The following MYRFL variants were observed in gnomAD, a reference collection of about 807,000 sequenced individuals.
MYRFL encodes the protein myelin regulatory factor like, also known as myelin regulatory factor-like protein.
In MYRFL, 88 loss-of-function variants were observed where a neutral mutation model predicts 109.4. The ratio of observed to expected loss-of-function variants is 0.80; its 90% CI spans 0.68 to 0.96. The LOEUF is 0.96. Ranked by LOEUF, MYRFL falls within the 40% of genes least tolerant of loss-of-function variation. The pLI, the probability that MYRFL is intolerant of heterozygous loss-of-function variation, is 0.00. For synonymous variants in MYRFL, 324 were observed against 320.9 expected, an observed-to-expected ratio of 1.01 and a Z score of -0.10; for missense variants, 957 against 954.9, an observed-to-expected ratio of 1.00 and a Z score of -0.03.
rs1199092532 is a variant in MYRFL at position 69,903,737 on chromosome 12, A to G, written c.1276A>G (p.Ile426Val). ...ESIVCHGRVG[I>V]NTDAPDEALV... is the part of the protein sequence containing the mutation. The stretch of plus-strand genomic sequence containing the variant: ...TATTGTCTGTCACGGTCGAGTAGGA[A>G]TCAACACAGATGCGCCGGACGAAGC... Residue 426 changes from isoleucine to valine, a missense_variant, in exon 11 of 25, where the codon ATC (isoleucine) becomes GTC (valine). Ile to Val is a conservative substitution (Grantham distance 29, BLOSUM62 3). Coordinates refer to ENST00000552032, the MANE Select transcript of MYRFL (RefSeq NM_182530.3). 15 of 1,535,744 alleles carry G rather than the reference A, an allele frequency of 9.8e-6. No homozygotes were observed. The highest frequency in any genetic ancestry group is 1.2e-5 in the Non-Finnish European group (14 of 1,146,702).
chr12:69,872,804 A>T (rs952420411), intron 2 of MYRFL, among the ~76,000 whole-genome samples: 1 of 151,226 alleles, frequency 6.6e-6, no homozygotes, highest in Non-Finnish European at 1.5e-5. Context: ...TGGCCTTTAC[A>T]TTTTGTTTTT....
At chr12:69,878,201 T>C (rs117796016) in intron 2 of MYRFL, among the ~76,000 whole-genome samples, 7,196 of 143,698 alleles carry the variant, frequency 0.05, 168 homozygotes, top group South Asian at 0.073. Flanking sequence ...CAAAATCATG[T>C]CACTGTACTC....
At chr12:69,925,308 T>C (rs1464421937) in intron 13 of MYRFL, among the ~76,000 whole-genome samples, 1 of 152,200 alleles carries the variant, frequency 6.6e-6, no homozygotes, top group Admixed American at 6.5e-5. Context: ...CAGTGTATCA[T>C]GAGATACATC....
intron 22 of MYRFL, 58 bp downstream of exon 22, chr12:69,955,495 T>C (rs1037060997): frequency 1.7e-5 from 9 of 532,758 alleles, no homozygotes; most frequent in African/African-American, 1.6e-4. Context: ...ATATGAAGTC[T>C]GGATTTACTT....
At chr12:69,831,413 A>G (rs193247799) in intron 1 of MYRFL, among the ~76,000 whole-genome samples, 2 of 152,272 alleles carry the variant, frequency 1.3e-5, no homozygotes, top group Admixed American at 1.3e-4. Flanking sequence ...CAACCTAACT[A>G]ATAATCATAA....
intron 19 of MYRFL, among the ~76,000 whole-genome samples, chr12:69,940,063 A>G (rs1955596419): frequency 1.3e-5 from 2 of 151,540 alleles, no homozygotes; most frequent in South Asian, 4.2e-4. Flanking sequence ...GAAAAGACCA[A>G]ATCTACGTCT....
chr12:69,910,522 G>A (rs1452009457), intron 12 of MYRFL, among the ~76,000 whole-genome samples: 1 of 151,654 alleles, frequency 6.6e-6, no homozygotes, highest in Non-Finnish European at 1.5e-5. Flanking sequence ...GAATATTTTA[G>A]GGGCAAAGGC....
Position 69,895,245 on chromosome 12 carries a change from G to GTTC in MYRFL, c.981-124_981-122dup, listed in dbSNP as rs550351407. ...TAATAATCGGGGACTAGAATAAACT[G>GTTC]TTCTCTCAGTGTGGTGAGAACTGGG... On this transcript the variant is annotated intron_variant, in intron 8 of 24. Transcript: ENST00000552032. 1.5e-4 allele frequency: 100 copies of GTTC among 684,638 alleles called. 2 individuals are homozygous for GTTC. In the East Asian group the frequency reaches 2.7e-3, roughly 18 times the overall value. The allele number at this position is 684,638 out of a possible 1,614,324, so 42.4% of individuals were successfully genotyped here. A position where few individuals can be genotyped will look rare whatever the true frequency, so the allele number is the denominator to read the frequency against.
At chr12:69,945,738 A>T (rs1955812424) in intron 19 of MYRFL, among the ~76,000 whole-genome samples, 1 of 152,044 alleles carries the variant, frequency 6.6e-6, no homozygotes, top group Non-Finnish European at 1.5e-5. Context: ...CTGTAATCCC[A>T]GCACTTTGGG....
intron 1 of MYRFL, among the ~76,000 whole-genome samples, chr12:69,843,084 A>G (rs1472996878): frequency 6.6e-6 from 1 of 152,262 alleles, no homozygotes; most frequent in African/African-American, 2.4e-5. Context: ...CACCAACATT[A>G]GATTTTAGAT....
chr12:69,927,733 T>A lies in MYRFL; in HGVS notation c.1815T>A (p.His605Gln). ...VSASSPRRAV[H>Q]KKNNKVYFSG... ...CATCTTCTCCAAGAAGGGCCGTTCA[T>A]AAAAAAAACAACAAGGTAAATAGAC... Residue 605 changes from histidine to glutamine, a missense_variant, in exon 15 of 25, where the codon CAT (histidine) becomes CAA (glutamine). By Grantham distance (24) the His-to-Gln change is conservative. Transcript: ENST00000552032. The A allele has an allele frequency of 6.5e-7, 1 of 1,531,610 alleles. No homozygotes were observed. The highest frequency in any genetic ancestry group is 2.0e-5 in the Admixed American group (1 of 50,470). 94.9% of individuals were successfully genotyped at this position (1,531,610 alleles called of 1,614,324 possible). A position where few individuals can be genotyped will look rare whatever the true frequency, so the allele number is the denominator to read the frequency against.
chr12:69,927,241 G>A (rs547903617), intron 14 of MYRFL, among the ~76,000 whole-genome samples: 5 of 152,040 alleles, frequency 3.3e-5, no homozygotes, highest in African/African-American at 9.6e-5. Context: ...CACCACGCCC[G>A]GCCCTGTTGC....
intron 1 of MYRFL, among the ~76,000 whole-genome samples, chr12:69,845,871 G>A (rs1049391068): frequency 6.6e-6 from 1 of 151,596 alleles, no homozygotes; most frequent in Non-Finnish European, 1.5e-5. Flanking sequence ...GCAAAGCACG[G>A]AACAAAGTAT....
intron 2 of MYRFL, among the ~76,000 whole-genome samples, chr12:69,858,043 TGTTA>T (rs1249428627): frequency 6.6e-6 from 1 of 151,876 alleles, no homozygotes; most frequent in Non-Finnish European, 1.5e-5. Flanking sequence ...TCTCTTCCAC[TGTTA>T]GTTTGCTGAT....
intron 2 of MYRFL, among the ~76,000 whole-genome samples, chr12:69,865,417 C>G (rs11177913): frequency 0.046 from 7,073 of 152,130 alleles, 550 homozygotes; most frequent in African/African-American, 0.16. Flanking sequence ...TGAGAGTCCC[C>G]TTGGAATGAG....
At chr12:69,885,633 T>C (rs1013006025) in intron 5 of MYRFL, among the ~76,000 whole-genome samples, 2 of 152,162 alleles carry the variant, frequency 1.3e-5, no homozygotes, top group African/African-American at 4.8e-5. Context: ...ACCAATACCA[T>C]TTTACATAAA....
At chr12:69,922,771 A>G (rs1954952890) in intron 13 of MYRFL, among the ~76,000 whole-genome samples, 2 of 152,272 alleles carry the variant, frequency 1.3e-5, no homozygotes, top group South Asian at 2.1e-4. Context: ...AATTTCCCCA[A>G]TTGTTTTTAC....
intron 22 of MYRFL, 58 bp from the exon 23 acceptor site, chr12:69,957,764 C>G (rs1956126880): frequency 6.7e-7 from 1 of 1,484,176 alleles, no homozygotes. Context: ...AAGATGTATC[C>G]TAGTAGAAGC....
chr12:69,843,617 T>C (rs1463095760), intron 1 of MYRFL, among the ~76,000 whole-genome samples: 1 of 152,168 alleles, frequency 6.6e-6, no homozygotes, highest in East Asian at 1.9e-4. Context: ...CATATGTAGA[T>C]TTTTTAGTAG....
Sources: gnomAD v4.1 joint callset for allele counts (sites outside exome capture counted in the v4.1 genomes callset) on GRCh38, gnomAD v4.1.1 for gene constraint, MANE v1.5 for transcripts, NCBI Gene and HGNC (gene_info 2026-07-23, HGNC 2026-07-21) for gene names.